The following BACH1 variants were observed in gnomAD, a reference collection of about 807,000 sequenced individuals.
BACH1 encodes BTB domain and CNC homolog 1, also known as transcription regulator protein BACH1.
A neutral mutation model predicts 52.9 loss-of-function variants in BACH1; 35 were observed. The ratio of observed to expected loss-of-function variants is 0.66; its 90% CI spans 0.51 to 0.88. The LOEUF (loss-of-function observed/expected upper bound fraction) is 0.88. Among genes scored for constraint, BACH1 ranks in the 40% least tolerant of loss-of-function variants. The probability of loss-of-function intolerance (pLI) is 0.00; values close to 1 mark genes in which losing one functional copy is unlikely to be tolerated. For missense variants in BACH1, 808 were observed against 872.6 expected, an observed-to-expected ratio of 0.93 and a Z score of 0.93; for synonymous variants, 321 against 319.6, an observed-to-expected ratio of 1.00 and a Z score of -0.05.
chr21:29,342,595 G>A lies in BACH1; in HGVS notation c.1973G>A (p.Ser658Asn). The A allele has an allele frequency of 6.2e-7, 1 of 1,614,196 alleles. No individual in the cohort carries two copies. Among genetic ancestry groups the A allele is most frequent in the Non-Finnish European group, 8.5e-7 (1 of 1,180,046 alleles). Residue 658 changes from serine to asparagine, a missense_variant, in exon 5 of 5, where the codon AGT becomes AAT. Coordinates refer to ENST00000286800, the MANE Select transcript of BACH1 (RefSeq NM_001186.4). ...LSFLISEKDK[S>N]TPDGELALPS... is the part of the protein sequence containing the mutation. ...TTTTTAATTTCTGAAAAAGATAAAA[G>A]TACTCCTGATGGTGAACTGGCGTTA...
intron 4 of BACH1, among the ~76,000 whole-genome samples, chr21:29,339,169 A>G (rs922633396): frequency 2.0e-5 from 3 of 152,176 alleles, no homozygotes; most frequent in African/African-American, 4.8e-5. Flanking sequence ...GGGTAAATAC[A>G]TACATAATTT....
rs547239727 is a variant in BACH1, at chr21:29,357,988, T to C, written c.472+28295T>C. On this transcript the variant is annotated intron_variant, in intron 2 of 4. Coordinates refer to the BACH1 transcript ENST00000422809. ...CCACTCACCTAGTCCCCACACGCCC[T>C]GAGAGCTAGTCCCTGTGGTCTGATG... is the stretch of plus-strand genomic sequence containing the variant. 4.6e-5 allele frequency among the ~76,000 whole-genome samples: 7 copies of C among 152,272 alleles called. No homozygotes were observed. In the South Asian group the frequency reaches 1.4e-3, roughly 32 times the overall value.
At chr21:29,303,174 T>A (rs2088621443) in intron 1 of BACH1, among the ~76,000 whole-genome samples, 1 of 152,252 alleles carries the variant, frequency 6.6e-6, no homozygotes, top group Non-Finnish European at 1.5e-5. Context: ...TTCTAAGTAT[T>A]ATGTTTTCTT....
At position 29,326,142 on chromosome 21, in the gene BACH1, G is replaced by T; in HGVS notation, c.318G>T (p.Val106=). The T allele has an allele frequency of 6.2e-7, 1 of 1,614,172 alleles. No individual in the cohort carries two copies. The highest frequency in any genetic ancestry group is 8.5e-7 in the Non-Finnish European group (1 of 1,180,014). ...LILSKENVDE[V]CKCVEFLSVH... ...TAAGTAAAGAGAATGTGGATGAAGTGTGCAAATGTGTGGAGTTTTTAAGTG... is the reference window on the plus strand; with the variant it reads ...TAAGTAAAGAGAATGTGGATGAAGTTTGCAAATGTGTGGAGTTTTTAAGTG... Residue 106 remains valine, a synonymous_variant, in exon 3 of 5, where the codon GTG becomes GTT. Transcript: ENST00000286800.
intron 4 of BACH1, among the ~76,000 whole-genome samples, chr21:29,341,741 G>C (rs1730081266): frequency 6.6e-6 from 1 of 152,214 alleles, no homozygotes; most frequent in Admixed American, 6.5e-5. Context: ...CAGTGGGTTT[G>C]ATGTTGCTTA....
intron 2 of BACH1, among the ~76,000 whole-genome samples, chr21:29,325,422 C>T (rs953277550): frequency 2.0e-5 from 3 of 152,066 alleles, no homozygotes; most frequent in African/African-American, 4.8e-5. Context: ...TTTGTTACTT[C>T]GAGTCCATGA....
chr21:29,352,206 C>T (rs1271906670), intron 2 of BACH1, among the ~76,000 whole-genome samples: 1 of 152,020 alleles, frequency 6.6e-6, no homozygotes, highest in African/African-American at 2.4e-5. Context: ...AGGTGTGCAC[C>T]ACCACACCTG....
chr21:29,351,726 G>A, intron 2 of BACH1: 1 of 534,632 alleles, frequency 1.9e-6, no homozygotes, highest in Non-Finnish European at 3.8e-6. Context: ...CAGCTAAACA[G>A]TAACATCTGG....
chr21:29,314,496 T>G (rs1437976714), intron 1 of BACH1, among the ~76,000 whole-genome samples: 1 of 152,204 alleles, frequency 6.6e-6, no homozygotes, highest in Non-Finnish European at 1.5e-5. Context: ...AACTATATAG[T>G]TTTTAATGTT....
chr21:29,324,556 T>TTGTGTGTGTGTG (rs59785894), intron 2 of BACH1, among the ~76,000 whole-genome samples: 33 of 145,322 alleles, frequency 2.3e-4, no homozygotes, highest in African/African-American at 7.3e-4. Flanking sequence ...TGGATGTACC[T>TTGTGTGTGTGTG]TGTGTGTGTG....
intron 1 of BACH1, among the ~76,000 whole-genome samples, chr21:29,304,801 C>T (rs868673195): frequency 6.6e-6 from 1 of 152,216 alleles, no homozygotes; most frequent in Non-Finnish European, 1.5e-5. Flanking sequence ...TTCCTCTTTA[C>T]TGATATCTTC....
chr21:29,329,408 A>T, intron 3 of BACH1, 79 bp from the exon 4 acceptor site: 1 of 1,194,982 alleles, frequency 8.4e-7, no homozygotes, highest in South Asian at 1.9e-5. Context: ...AAAAACTTAG[A>T]TGTATACCTT....
rs762789684 is a variant in BACH1, at chr21:29,326,286, C to A, written c.462C>A (p.Asp154Glu). Residue 154 changes from aspartate (D) to glutamate (E), a missense_variant, in exon 3 of 5, where the codon GAC becomes GAA. Coordinates refer to ENST00000286800, the MANE Select transcript of BACH1 (RefSeq NM_001186.4). ...TTTCATCACACTGTCAGAAAACAGA[C>A]CTTAAACTTTCACTTTTGGACCAGA... ...KCFSSHCQKTDLKLSLLDQRD... is the reference protein window; with the variant it reads ...KCFSSHCQKTELKLSLLDQRD... 6.2e-7 allele frequency: 1 copy of A among 1,614,000 alleles called. No homozygotes were observed. The highest frequency in any genetic ancestry group is 1.3e-5 in the African/African-American group (1 of 74,894).
At position 29,323,984 on chromosome 21, in the gene BACH1, G is replaced by T. The variant is rs565738429; in HGVS notation, c.235-2075G>T. On this transcript the variant is annotated intron_variant, in intron 2 of 4. Coordinates refer to ENST00000286800, the MANE Select transcript of BACH1 (RefSeq NM_001186.4). ...GTTAAGATAACAGCCGGGCCCAGTG[G>T]CTCATGCCTGTAATCCCAGCACTTT... Among the ~76,000 whole-genome samples the T allele has an allele frequency of 2.4e-3, 371 of 152,246 alleles. 7 individuals are homozygous for T. Among genetic ancestry groups the T allele is most frequent in the Non-Finnish European group, 1.6e-3 (108 of 68,000 alleles).
chr21:29,329,257 A>G (rs148041841), intron 3 of BACH1, among the ~76,000 whole-genome samples: 1 of 152,188 alleles, frequency 6.6e-6, no homozygotes, highest in Non-Finnish European at 1.5e-5. Flanking sequence ...GCAGTAAGCC[A>G]TGATTGTGCC....
intron 1 of BACH1, among the ~76,000 whole-genome samples, chr21:29,318,497 G>T (rs1464653342): frequency 6.6e-6 from 1 of 152,200 alleles, no homozygotes. Flanking sequence ...TGAATTTCTA[G>T]TTTCTCTCAG....
rs972788070 is a variant in BACH1, at chr21:29,345,779, C to T, written c.*2946C>T. The T allele has an allele frequency of 6.6e-6, 1 of 152,504 alleles. No individual in the cohort carries two copies. The highest frequency in any genetic ancestry group is 1.5e-5 in the Non-Finnish European group (1 of 67,992). The allele number at this position is 152,504 out of a possible 1,614,324, so 9.4% of individuals were successfully genotyped here. A position where few individuals can be genotyped will look rare whatever the true frequency, so the allele number is the denominator to read the frequency against. ...TGAACTTTTTTCAGTTATAAAACAT[C>T]TATTTTGAATCTGTAAATATTTTAA... On this transcript the variant is annotated 3_prime_UTR_variant, in exon 5 of 5. Coordinates refer to ENST00000286800, the MANE Select transcript of BACH1 (RefSeq NM_001186.4).
chr21:29,353,838 T>C (rs1291034364), intron 2 of BACH1, among the ~76,000 whole-genome samples: 1 of 151,960 alleles, frequency 6.6e-6, no homozygotes, highest in Admixed American at 6.6e-5. Flanking sequence ...CAGAATAGAG[T>C]GGCATTTGGG....
chr21:29,324,956 C>T (rs992866267), intron 2 of BACH1, among the ~76,000 whole-genome samples: 4 of 152,084 alleles, frequency 2.6e-5, no homozygotes, highest in Admixed American at 2.0e-4. Context: ...CAGCCGGGCG[C>T]GGTGGCTCAC....
Sources: gnomAD v4.1 joint callset for allele counts (sites outside exome capture counted in the v4.1 genomes callset) on GRCh38, gnomAD v4.1.1 for gene constraint, MANE v1.5 for transcripts, NCBI Gene and HGNC (gene_info 2026-07-23, HGNC 2026-07-21) for gene names.